Variants in TIAM2 observed in about 807,000 individuals in gnomAD.
TIAM2 encodes TIAM Rac1 associated GEF 2, also known as rho guanine nucleotide exchange factor TIAM2.
In TIAM2, 80 loss-of-function variants were observed where a neutral mutation model predicts 152.9. The ratio of observed to expected loss-of-function variants is 0.52; its 90% confidence interval spans 0.44 to 0.63. The LOEUF is 0.63. Ranked by LOEUF, TIAM2 falls within the 30% of genes least tolerant of loss-of-function variation. The pLI is 0.00. For synonymous variants in TIAM2, 804 were observed against 838.0 expected (o/e 0.96, Z 0.70); for missense variants, 1,965 against 2,120.1 (o/e 0.93, Z 1.44).
chr6:155,251,976 A>G lies in TIAM2; in HGVS notation c.4092A>G (p.Lys1364=). The change falls in exon 23 of 27, where the codon AAA becomes AAG. Residue 1364 remains lysine, a synonymous_variant. Transcript: ENST00000682666. ...VFKRAVILVY[K]ENCKLKKKLP... ...AGAGAGCCGTCATACTGGTTTATAA[A>G]GAAAACTGCAAACTGAAAAAGAAAT... The G allele has an allele frequency of 6.2e-7, 1 of 1,604,792 alleles. No individual in the cohort carries two copies. The highest frequency in any genetic ancestry group is 8.5e-7 in the Non-Finnish European group (1 of 1,176,960).
At chr6:155,061,283 CAT>C (rs113370609) in intron 1 of TIAM2, among the ~76,000 whole-genome samples, 10 of 149,516 alleles carry the variant, frequency 6.7e-5, no homozygotes, top group Non-Finnish European at 1.3e-4. Context: ...TCTATCTGTA[CAT>C]ATATATATTA....
At chr6:155,042,414 G>A (rs1777068263) in intron 1 of TIAM2, among the ~76,000 whole-genome samples, 1 of 152,112 alleles carries the variant, frequency 6.6e-6, no homozygotes, top group Non-Finnish European at 1.5e-5. Flanking sequence ...TGGGCAACAT[G>A]GCGAAACCCC....
At chr6:155,119,355 T>G (rs1359998768) in intron 2 of TIAM2, among the ~76,000 whole-genome samples, 3 of 151,746 alleles carry the variant, frequency 2.0e-5, no homozygotes, top group Non-Finnish European at 4.4e-5. Context: ...TTTTCTTTTT[T>G]TTTTGAGTGA....
At chr6:155,062,804 A>T (rs1777615572) in intron 1 of TIAM2, among the ~76,000 whole-genome samples, 1 of 151,900 alleles carries the variant, frequency 6.6e-6, no homozygotes, top group South Asian at 2.1e-4. Flanking sequence ...TGAACTCCTG[A>T]CTTCATGTGA....
At chr6:155,021,923 A>C (rs539724050) in intron 1 of TIAM2, among the ~76,000 whole-genome samples, 1 of 152,164 alleles carries the variant, frequency 6.6e-6, no homozygotes, top group Non-Finnish European at 1.5e-5. Flanking sequence ...GATGGTTCAG[A>C]TAAAGCCCCT....
In TIAM2 at chr6:155,251,008, G is replaced by C. The variant is rs528322127; in HGVS notation, c.4047G>C (p.Glu1349Asp). ...TAGGAAAAGCTAGAAAGGACCTTGA[G>C]CTCACAGTATTTGGTTAGTATTCCA... is the stretch of plus-strand genomic sequence containing the variant. ...LSLGKARKDL[E>D]LTVFVFKRAV... is the part of the protein sequence containing the mutation. Residue 1349 changes from glutamate (E) to aspartate (D), a missense_variant, in exon 22 of 27, where the codon GAG (glutamate) becomes GAC (aspartate). Glu to Asp is a conservative substitution (Grantham distance 45). Around this residue, in one of 3 missense-constraint regions of TIAM2, gnomAD observed 935 missense variants for 980.0 expected, o/e 0.95. Coordinates refer to ENST00000682666, the MANE Select transcript of TIAM2 (RefSeq NM_012454.4). 1 of 1,614,074 alleles carries C rather than the reference G, an allele frequency of 6.2e-7. No homozygotes were observed. Among genetic ancestry groups the C allele is most frequent in the East Asian group, 2.2e-5 (1 of 44,862 alleles).
At chr6:155,019,192 G>T (rs1776413025) in intron 1 of TIAM2, among the ~76,000 whole-genome samples, 1 of 151,974 alleles carries the variant, frequency 6.6e-6, no homozygotes, top group Non-Finnish European at 1.5e-5. Context: ...AAAAAAATTA[G>T]GCATGGTGGT....
intron 2 of TIAM2, among the ~76,000 whole-genome samples, chr6:155,115,112 G>A (rs904219844): frequency 1.3e-5 from 2 of 149,920 alleles, no homozygotes; most frequent in Admixed American, 1.3e-4. Context: ...ACAGGCGTGA[G>A]CCACTGGGCC....
At chr6:155,142,070 G>A (rs1425893747) in intron 5 of TIAM2, among the ~76,000 whole-genome samples, 2 of 150,346 alleles carry the variant, frequency 1.3e-5, no homozygotes, top group East Asian at 3.9e-4. Context: ...CAGGGCTGGT[G>A]GCCCCCAGCA....
At chr6:155,114,036 A>ATATATATATTTTTTTTTTTTTTTTTTT in intron 2 of TIAM2, among the ~76,000 whole-genome samples, 3 of 34,906 alleles carry the variant, frequency 8.6e-5, no homozygotes, top group East Asian at 7.0e-4. Flanking sequence ...ATATATATAT[A>ATATATATATTTTTTTTTTTTTTTTTTT]TTTTTTTTTT....
chr6:155,257,076 C>T lies in TIAM2; in HGVS notation c.5061C>T (p.Val1687=), dbSNP rs775125166. The T allele has an allele frequency of 1.9e-6, 3 of 1,612,594 alleles. No individual in the cohort carries two copies. The highest frequency in any genetic ancestry group is 2.2e-5 in the South Asian group (2 of 91,048). The change falls in exon 27 of 27, where the codon GTC becomes GTT. Residue 1687 remains valine (V), a synonymous_variant. Coordinates refer to ENST00000682666, the MANE Select transcript of TIAM2 (RefSeq NM_012454.4). ...GTGTCCAGAGTTTAACATCTGTTGT[C>T]AGTGAGGAGTGTTTTTATGAAACAG... ...EFSVQSLTSV[V]SEECFYETES...
At chr6:155,060,164 G>A (rs1777541528) in intron 1 of TIAM2, among the ~76,000 whole-genome samples, 1 of 152,148 alleles carries the variant, frequency 6.6e-6, no homozygotes, top group Non-Finnish European at 1.5e-5. Context: ...AGCACTTTGG[G>A]AGGCCGAGGT....
At chr6:155,212,560 T>C (rs1318382938) in intron 15 of TIAM2, among the ~76,000 whole-genome samples, 1 of 152,244 alleles carries the variant, frequency 6.6e-6, no homozygotes, top group Non-Finnish European at 1.5e-5. Context: ...ATGAAAGTTA[T>C]AAAGTGGAAC....
Position 155,248,801 on chromosome 6 carries a change from A to G in TIAM2, c.3832+622A>G, listed in dbSNP as rs1783483085. Among the ~76,000 whole-genome samples, 2 of 152,232 alleles carry G rather than the reference A, an allele frequency of 1.3e-5. 1 individual carries two copies. The highest frequency in any genetic ancestry group is 1.3e-4 in the Admixed American group (2 of 15,280). On this transcript the variant is annotated intron_variant, in intron 20 of 26. Transcript: ENST00000682666. ...AAGAGGGGCTTTATTTGGGTTGGAGATAGTGATTTGTTCATATGTTGAAAC... is the reference window on the plus strand; with the variant it reads ...AAGAGGGGCTTTATTTGGGTTGGAGGTAGTGATTTGTTCATATGTTGAAAC...
At chr6:155,161,814 A>G (rs956865243) in intron 7 of TIAM2, among the ~76,000 whole-genome samples, 5 of 151,934 alleles carry the variant, frequency 3.3e-5, no homozygotes, top group East Asian at 1.9e-4. Flanking sequence ...CTGACCTCCA[A>G]TGATCTGCCC....
intron 15 of TIAM2, 93 bp downstream of exon 15, chr6:155,211,400 C>G: frequency 1.1e-6 from 1 of 940,126 alleles, no homozygotes; most frequent in East Asian, 2.6e-5. Flanking sequence ...ATGGAGTTAC[C>G]TATCTCTAGG....
At chr6:155,028,366 A>ATATACTGTGTTACATATATACTAC (rs1562294262) in intron 1 of TIAM2, among the ~76,000 whole-genome samples, 2 of 112,310 alleles carry the variant, frequency 1.8e-5, no homozygotes, top group Non-Finnish European at 3.5e-5. Context: ...TACTACATAT[A>ATATACTGTGTTACATATATACTAC]ATATATATAC....
intron 16 of TIAM2, 75 bp downstream of exon 16, chr6:155,240,784 GATCAC>G: frequency 6.7e-7 from 1 of 1,488,782 alleles, no homozygotes; most frequent in Non-Finnish European, 9.0e-7. Flanking sequence ...GAGGTCCCCA[GATCAC>G]CTCTGCCCAG....
At chr6:155,022,065 T>G (rs1227538944) in intron 1 of TIAM2, among the ~76,000 whole-genome samples, 1 of 152,182 alleles carries the variant, frequency 6.6e-6, no homozygotes, top group East Asian at 1.9e-4. Context: ...GTAATTTGCT[T>G]TTTACTTCCC....
Sources: gnomAD v4.1 joint callset for allele counts (sites outside exome capture counted in the v4.1 genomes callset) on GRCh38, gnomAD v4.1.1 for gene constraint, gnomAD v4.1.1 regional missense constraint, MANE v1.5 for transcripts, NCBI Gene and HGNC (gene_info 2026-07-23, HGNC 2026-07-21) for gene names.